CENPC: variants seen among roughly 807,000 people sequenced by gnomAD.
CENPC encodes CENP-C 1.
Under a neutral mutation model 112.1 loss-of-function variants are expected in CENPC, and 63 were observed. The observed-to-expected ratio is 0.56, with a 90% confidence interval of 0.46 to 0.69. CENPC has a LOEUF of 0.69. Ranked by LOEUF, CENPC falls within the 30% of genes least tolerant of loss-of-function variation. CENPC has a pLI of 0.00. For synonymous variants in CENPC, 333 were observed against 367.6 expected, an observed-to-expected ratio of 0.91 and a Z score of 1.08; for missense variants, 1,000 against 1,103.8, an observed-to-expected ratio of 0.91 and a Z score of 1.33.
chr4:67,507,304 C>T (rs1441321961), intron 10 of CENPC, among the ~76,000 whole-genome samples: 1 of 152,136 alleles, frequency 6.6e-6, no homozygotes, highest in African/African-American at 2.4e-5. Flanking sequence ...AGTCAGCCTA[C>T]TGAGGGGCAA....
chr4:67,530,952 T>G (rs763897059), intron 4 of CENPC, 38 bp from the exon 5 acceptor site: 1 of 1,030,794 alleles, frequency 9.7e-7, no homozygotes, highest in Non-Finnish European at 1.4e-6. Flanking sequence ...AACTATTTTA[T>G]TAACTTACCA....
At chr4:67,533,171 T>G (rs1329113508) in intron 4 of CENPC, among the ~76,000 whole-genome samples, 1 of 152,220 alleles carries the variant, frequency 6.6e-6, no homozygotes, top group East Asian at 1.9e-4. Flanking sequence ...GGGAGACAAT[T>G]GAATCATCAG....
intron 12 of CENPC, among the ~76,000 whole-genome samples, chr4:67,499,485 AC>A (rs984942083): frequency 6.6e-6 from 1 of 152,190 alleles, no homozygotes; most frequent in Non-Finnish European, 1.5e-5. Context: ...AACCTCATGA[AC>A]CAGCCTCTGC....
chr4:67,513,401 A>G (rs1276058047), intron 8 of CENPC, among the ~76,000 whole-genome samples: 6 of 152,320 alleles, frequency 3.9e-5, no homozygotes, highest in Admixed American at 3.3e-4. Context: ...TAGATACAGA[A>G]TATATGTAAA....
At chr4:67,501,014 T>C (rs958758046) in intron 12 of CENPC, among the ~76,000 whole-genome samples, 12 of 152,058 alleles carry the variant, frequency 7.9e-5, no homozygotes, top group African/African-American at 2.7e-4. Context: ...TAATCAGGAT[T>C]GATATCATGT....
At chr4:67,475,523 T>C (rs1577968567) in intron 17 of CENPC, among the ~76,000 whole-genome samples, 1 of 152,364 alleles carries the variant, frequency 6.6e-6, no homozygotes, top group Admixed American at 6.5e-5. Context: ...GATTCCAGTC[T>C]TGTAATACTC....
Position 67,471,135 on chromosome 4 carries a change from C to G in CENPC, c.*1470G>C, listed in dbSNP as rs1042270738. The stretch of plus-strand genomic sequence containing the variant: ...ATAGACTCAAGTGTTTGATCTTAAC[C>G]TTTGTCCAAATGATTGGCTGACTGC... On this transcript the variant is annotated 3_prime_UTR_variant, in exon 19 of 19. Transcript: ENST00000273853. The G allele has an allele frequency of 2.0e-5, 3 of 152,164 alleles. No individual in the cohort carries two copies. The highest frequency in any genetic ancestry group is 7.2e-5 in the African/African-American group (3 of 41,432). The allele number at this position is 152,164 out of a possible 1,614,324, so 9.4% of individuals were successfully genotyped here.
intron 16 of CENPC, among the ~76,000 whole-genome samples, chr4:67,490,859 T>G (rs28438912): frequency 0.024 from 489 of 20,146 alleles, 9 homozygotes; most frequent in Middle Eastern, 0.053. Context: ...TATATATATA[T>G]ATATATATAT....
At chr4:67,527,205 T>A (rs923833311) in intron 5 of CENPC, among the ~76,000 whole-genome samples, 1 of 152,088 alleles carries the variant, frequency 6.6e-6, no homozygotes, top group Non-Finnish European at 1.5e-5. Context: ...TAATACACCA[T>A]GACCACATGG....
chr4:67,491,446 CATATATATATATATATATATATATAT>C (rs58687245), intron 16 of CENPC, among the ~76,000 whole-genome samples: 1 of 36,566 alleles, frequency 2.7e-5, no homozygotes, highest in African/African-American at 1.1e-4. Context: ...TTAAATATTT[CATATATATATATATATATATATATAT>C]ATATATATAG....
intron 12 of CENPC, among the ~76,000 whole-genome samples, chr4:67,502,787 C>A (rs150704945): frequency 5.9e-5 from 9 of 152,256 alleles, no homozygotes; most frequent in Non-Finnish European, 4.4e-5. Flanking sequence ...TCCAGGAGCT[C>A]GGGCCAAAAA....
At chr4:67,540,879 A>G in intron 3 of CENPC, 101 bp downstream of exon 3, 1 of 831,638 alleles carries the variant, frequency 1.2e-6, no homozygotes, top group Non-Finnish European at 1.9e-6. Context: ...CCATATATTT[A>G]AACCCTAGAA....
chr4:67,488,865 C>CT (rs1051137042), intron 17 of CENPC, among the ~76,000 whole-genome samples: 4 of 151,802 alleles, frequency 2.6e-5, no homozygotes, highest in African/African-American at 4.8e-5. Flanking sequence ...TAGTAATAAT[C>CT]TTTGACTTTC....
chr4:67,494,670 A>T (rs1187299237), intron 13 of CENPC, among the ~76,000 whole-genome samples: 1 of 152,238 alleles, frequency 6.6e-6, no homozygotes, highest in Non-Finnish European at 1.5e-5. Context: ...GAAAGGTGGG[A>T]ACTATCATGT....
chr4:67,474,833 A>C, intron 18 of CENPC, 55 bp downstream of exon 18: 3 of 1,025,772 alleles, frequency 2.9e-6, no homozygotes, highest in Non-Finnish European at 4.4e-6. Flanking sequence ...TTCCATTTCC[A>C]TAGTGCCCAA....
intron 16 of CENPC, among the ~76,000 whole-genome samples, chr4:67,491,484 G>T (rs56125076): frequency 6.7e-3 from 434 of 64,446 alleles, no homozygotes; most frequent in African/African-American, 0.019. Context: ...TATATATAGA[G>T]AGAGAGAGAG....
At chr4:67,529,219 C>T (rs1467470214) in intron 5 of CENPC, among the ~76,000 whole-genome samples, 1 of 152,098 alleles carries the variant, frequency 6.6e-6, no homozygotes, top group East Asian at 1.9e-4. Flanking sequence ...TTTATATATT[C>T]TGATTATAAA....
intron 4 of CENPC, among the ~76,000 whole-genome samples, chr4:67,538,534 C>T (rs544861345): frequency 6.5e-4 from 99 of 152,294 alleles, no homozygotes; most frequent in Non-Finnish European, 1.2e-3. Context: ...AGATGTGACA[C>T]ACAGGGGAAA....
intron 8 of CENPC, among the ~76,000 whole-genome samples, chr4:67,513,182 C>G (rs1341701350): frequency 1.3e-5 from 2 of 152,066 alleles, no homozygotes; most frequent in Non-Finnish European, 2.9e-5. Context: ...GGCAAAGAAA[C>G]AGACTTCCTC....
Sources: gnomAD v4.1 joint callset for allele counts (sites outside exome capture counted in the v4.1 genomes callset) on GRCh38, gnomAD v4.1.1 for gene constraint, MANE v1.5 for transcripts, NCBI Gene and HGNC (gene_info 2026-07-23, HGNC 2026-07-21) for gene names.